Variants in PHACTR3 observed in about 807,000 individuals in gnomAD.
The protein encoded by PHACTR3 is phosphatase and actin regulator 3.
In PHACTR3, 16 loss-of-function variants were observed where a neutral mutation model predicts 66.8. That is an observed-to-expected ratio of 0.24 (90% confidence interval 0.16 to 0.36). The LOEUF (loss-of-function observed/expected upper bound fraction) is 0.36. Ranked by LOEUF, PHACTR3 falls within the 10% of genes least tolerant of loss-of-function variation. PHACTR3 has a pLI of 1.00. For synonymous variants in PHACTR3, 323 were observed against 292.1 expected (o/e 1.11, Z -1.08); for missense variants, 647 against 719.9 (o/e 0.90, Z 1.16).
intron 2 of PHACTR3, among the ~76,000 whole-genome samples, chr20:59,747,158 C>T (rs1222275469): frequency 2.0e-5 from 3 of 152,168 alleles, no homozygotes; most frequent in East Asian, 1.9e-4. Context: ...ATTCTGAAGG[C>T]GGAATTGACA....
intron 1 of PHACTR3, among the ~76,000 whole-genome samples, chr20:59,712,013 C>T (rs976297981): frequency 5.3e-5 from 8 of 151,604 alleles, no homozygotes; most frequent in Non-Finnish European, 1.5e-5. Flanking sequence ...GAATATATTC[C>T]AGAGTTCATT....
chr20:59,644,577 G>A (rs2035218991), intron 1 of PHACTR3, among the ~76,000 whole-genome samples: 1 of 152,212 alleles, frequency 6.6e-6, no homozygotes, highest in Non-Finnish European at 1.5e-5. Flanking sequence ...TAGCAAGTAT[G>A]TGTTGAATGG....
At chr20:59,828,189 G>A (rs971223666) in intron 8 of PHACTR3, among the ~76,000 whole-genome samples, 5 of 152,026 alleles carry the variant, frequency 3.3e-5, no homozygotes, top group African/African-American at 4.8e-5. Context: ...TACAGGTGGC[G>A]TCTCCTGGAA....
At chr20:59,825,745 C>T (rs774987431) in intron 8 of PHACTR3, among the ~76,000 whole-genome samples, 13 of 152,072 alleles carry the variant, frequency 8.5e-5, no homozygotes, top group Non-Finnish European at 1.8e-4. Context: ...GAGGGAAGGG[C>T]CCAGGCAGAG....
chr20:59,798,646 G>C (rs576327683), intron 7 of PHACTR3, among the ~76,000 whole-genome samples: 1 of 152,202 alleles, frequency 6.6e-6, no homozygotes, highest in Non-Finnish European at 1.5e-5. Flanking sequence ...TTAGCATGAA[G>C]TGATTCACTA....
intron 1 of PHACTR3, among the ~76,000 whole-genome samples, chr20:59,606,020 T>C (rs2033656401): frequency 6.6e-6 from 1 of 152,222 alleles, no homozygotes; most frequent in Non-Finnish European, 1.5e-5. Context: ...GGTGTTTTGG[T>C]ATCAAGCCAC....
intron 1 of PHACTR3, among the ~76,000 whole-genome samples, chr20:59,626,250 T>C (rs1395579623): frequency 1.3e-5 from 2 of 152,242 alleles, no homozygotes; most frequent in African/African-American, 4.8e-5. Context: ...GACTCATGTC[T>C]CTGCCTTCAT....
chr20:59,673,365 T>G (rs956757344), intron 1 of PHACTR3, among the ~76,000 whole-genome samples: 1 of 152,232 alleles, frequency 6.6e-6, no homozygotes, highest in Admixed American at 6.5e-5. Flanking sequence ...GAGGAGCTCA[T>G]GAAGCACAGG....
At chr20:59,584,164 T>C (rs2032947113) in intron 1 of PHACTR3, among the ~76,000 whole-genome samples, 1 of 152,182 alleles carries the variant, frequency 6.6e-6, no homozygotes, top group Admixed American at 6.5e-5. Flanking sequence ...GTGCCTTGGG[T>C]GGTGCCCTTA....
At chr20:59,669,245 G>T (rs533527714) in intron 1 of PHACTR3, among the ~76,000 whole-genome samples, 1 of 152,280 alleles carries the variant, frequency 6.6e-6, no homozygotes, top group Admixed American at 6.5e-5. Flanking sequence ...GGAGTAGGGA[G>T]GGTTTCAGCA....
rs572049012 is a variant in PHACTR3, at chr20:59,672,378, CCT to C, written c.118+67252_118+67253del. Reference sequence around the variant, plus strand: ...TAAAGTGGAGTGATCCTCACATGCACCTCTCTCAGCTAGATGGAGAGGAAACG... The same window carrying C: ...TAAAGTGGAGTGATCCTCACATGCACCTCTCAGCTAGATGGAGAGGAAACG... On this transcript the variant is annotated intron_variant, in intron 1 of 12. Transcript: ENST00000371015. Among the ~76,000 whole-genome samples, 9 of 152,324 alleles carry C rather than the reference CCT, an allele frequency of 5.9e-5. No homozygotes were observed. The South Asian group carries it at 1.9e-3, about 32-fold the overall frequency.
intron 1 of PHACTR3, among the ~76,000 whole-genome samples, chr20:59,634,984 A>G (rs2034796958): frequency 6.6e-6 from 1 of 152,140 alleles, no homozygotes; most frequent in South Asian, 2.1e-4. Context: ...CCTCCATTCT[A>G]GCATCCTTTC....
At chr20:59,817,965 G>T (rs537885819) in intron 8 of PHACTR3, among the ~76,000 whole-genome samples, 17 of 152,308 alleles carry the variant, frequency 1.1e-4, no homozygotes, top group African/African-American at 3.8e-4. Flanking sequence ...CAACTCTTGA[G>T]TTAGCAGGGA....
At chr20:59,691,514 GTCTA>G (rs1459908437) in intron 1 of PHACTR3, among the ~76,000 whole-genome samples, 3 of 151,984 alleles carry the variant, frequency 2.0e-5, no homozygotes, top group Non-Finnish European at 4.4e-5. Flanking sequence ...ATTGAATTGT[GTCTA>G]TCCTTGCAAC....
chr20:59,782,563 T>C (rs992807173), intron 7 of PHACTR3, among the ~76,000 whole-genome samples: 2 of 151,182 alleles, frequency 1.3e-5, no homozygotes, highest in African/African-American at 4.9e-5. Context: ...GAAAAAGAGG[T>C]TTAATGGACT....
chr20:59,712,485 C>T (rs2037944722), intron 1 of PHACTR3, among the ~76,000 whole-genome samples: 1 of 151,952 alleles, frequency 6.6e-6, no homozygotes, highest in African/African-American at 2.4e-5. Flanking sequence ...TACTGTGGTC[C>T]CCTCCCAGCC....
At chr20:59,814,541 G>A (rs114005034) in intron 8 of PHACTR3, among the ~76,000 whole-genome samples, 3,176 of 152,270 alleles carry the variant, frequency 0.021, 108 homozygotes, top group African/African-American at 0.071. Context: ...GAGACTGCCC[G>A]GTCCATGCTG....
intron 1 of PHACTR3, among the ~76,000 whole-genome samples, chr20:59,629,539 C>G (rs779882108): frequency 1.3e-5 from 2 of 152,190 alleles, no homozygotes; most frequent in African/African-American, 4.8e-5. Flanking sequence ...GGGCAGGACC[C>G]GTCCCAGGAC....
chr20:59,660,036 G>T (rs113983758), intron 1 of PHACTR3, among the ~76,000 whole-genome samples: 1 of 152,136 alleles, frequency 6.6e-6, no homozygotes, highest in African/African-American at 2.4e-5. Flanking sequence ...ATAATTGAAT[G>T]TCCGGAGTTC....
Sources: allele counts gnomAD v4.1 joint callset (sites outside exome capture counted in the v4.1 genomes callset), GRCh38; gene constraint gnomAD v4.1.1; transcripts MANE v1.5; gene names NCBI Gene and HGNC (gene_info 2026-07-23, HGNC 2026-07-21).